GRID2: variants seen among roughly 807,000 people sequenced by gnomAD.
GRID2 encodes the protein glutamate receptor ionotropic, delta-2.
Under a neutral mutation model 114.8 loss-of-function variants are expected in GRID2, and 33 were observed. That is an observed-to-expected ratio of 0.29 (90% CI 0.22 to 0.38). The LOEUF (loss-of-function observed/expected upper bound fraction) is 0.38, where lower values mean the gene tolerates loss of function less well. Among genes scored for constraint, GRID2 ranks in the 10% least tolerant of loss-of-function variants. The pLI is 1.00. For missense variants in GRID2, 1,184 were observed against 1,257.7 expected (o/e 0.94, Z 0.89); for synonymous variants, 505 against 449.9 (o/e 1.12, Z -1.55).
chr4:93,612,096 G>T (rs575764430), intron 13 of GRID2, among the ~76,000 whole-genome samples: 5 of 152,032 alleles, frequency 3.3e-5, no homozygotes, highest in Non-Finnish European at 7.4e-5. Context: ...GATCTTTGTT[G>T]GTTTAAAGTC....
intron 2 of GRID2, among the ~76,000 whole-genome samples, chr4:92,823,896 C>T (rs1741475373): frequency 6.6e-6 from 1 of 152,164 alleles, no homozygotes. Flanking sequence ...CTCCAGAATA[C>T]TCTGAATCCC....
intron 8 of GRID2, among the ~76,000 whole-genome samples, chr4:93,279,515 G>T (rs1201805673): frequency 2.0e-5 from 3 of 151,712 alleles, no homozygotes; most frequent in African/African-American, 4.8e-5. Context: ...AACATACTGA[G>T]ATCTAGAAGT....
At chr4:93,392,646 G>C (rs1003555697) in intron 8 of GRID2, among the ~76,000 whole-genome samples, 1 of 152,024 alleles carries the variant, frequency 6.6e-6, no homozygotes, top group South Asian at 2.1e-4. Flanking sequence ...CAGCATTTTG[G>C]GAGGCTGAGG....
chr4:93,326,698 GC>G (rs764462764), intron 8 of GRID2, among the ~76,000 whole-genome samples: 4 of 151,552 alleles, frequency 2.6e-5, no homozygotes, highest in Non-Finnish European at 5.9e-5. Context: ...TTCTTTATAT[GC>G]TTTTGATCCC....
intron 14 of GRID2, among the ~76,000 whole-genome samples, chr4:93,735,120 C>T (rs191711815): frequency 6.6e-6 from 1 of 152,048 alleles, no homozygotes; most frequent in African/African-American, 2.4e-5. Flanking sequence ...AAACCCAGGG[C>T]TGTTGGCTCA....
chr4:92,656,235 T>C (rs558405330), intron 2 of GRID2, among the ~76,000 whole-genome samples: 1 of 151,920 alleles, frequency 6.6e-6, no homozygotes, highest in African/African-American at 2.4e-5. Flanking sequence ...TAATGGAAAT[T>C]TGTAACAAGG....
At chr4:92,485,078 A>C (rs1722798698) in intron 1 of GRID2, among the ~76,000 whole-genome samples, 1 of 151,174 alleles carries the variant, frequency 6.6e-6, no homozygotes, top group South Asian at 2.1e-4. Context: ...TATAATTTTA[A>C]TATTATCATT....
chr4:92,676,889 T>C (rs1468924354), intron 2 of GRID2, among the ~76,000 whole-genome samples: 1 of 152,148 alleles, frequency 6.6e-6, no homozygotes, highest in Admixed American at 6.5e-5. Context: ...AATCAGCAGA[T>C]GACTGGACAA....
At chr4:93,298,907 A>C (rs1399582568) in intron 8 of GRID2, among the ~76,000 whole-genome samples, 1 of 152,224 alleles carries the variant, frequency 6.6e-6, no homozygotes, top group African/African-American at 2.4e-5. Context: ...AGGGTTTTTC[A>C]AAATGTCAGT....
At chr4:92,323,322 C>T (rs1726417098) in intron 1 of GRID2, among the ~76,000 whole-genome samples, 1 of 152,058 alleles carries the variant, frequency 6.6e-6, no homozygotes, top group Admixed American at 6.6e-5. Flanking sequence ...TAGATAATAA[C>T]TATAAGATAT....
intron 1 of GRID2, among the ~76,000 whole-genome samples, chr4:92,329,717 G>A (rs186365520): frequency 6.6e-6 from 1 of 152,052 alleles, no homozygotes; most frequent in African/African-American, 2.4e-5. Context: ...TCTTCCTGCA[G>A]CTTACCTCTA....
chr4:92,816,159 T>G (rs898524291), intron 2 of GRID2, among the ~76,000 whole-genome samples: 1 of 149,982 alleles, frequency 6.7e-6, no homozygotes, highest in African/African-American at 2.4e-5. Context: ...CTACCAAAAA[T>G]ACAAAATTAG....
intron 2 of GRID2, among the ~76,000 whole-genome samples, chr4:92,672,707 C>T (rs1733135603): frequency 6.6e-6 from 1 of 151,988 alleles, no homozygotes; most frequent in Non-Finnish European, 1.5e-5. Context: ...TTTATTCATA[C>T]ATAATACATG....
chr4:93,086,976 T>A (rs556600307), intron 3 of GRID2, among the ~76,000 whole-genome samples: 2 of 152,052 alleles, frequency 1.3e-5, no homozygotes, highest in Non-Finnish European at 2.9e-5. Flanking sequence ...AGTAACTTTA[T>A]TTAAGCGGGG....
intron 13 of GRID2, among the ~76,000 whole-genome samples, chr4:93,560,020 C>A (rs932920521): frequency 1.3e-5 from 2 of 151,542 alleles, no homozygotes; most frequent in African/African-American, 2.4e-5. Flanking sequence ...TAAGTGGGAG[C>A]TGAGCAATGA....
intron 8 of GRID2, among the ~76,000 whole-genome samples, chr4:93,275,431 C>CATATATATATATATATATATATAT (rs3078736): frequency 2.7e-5 from 4 of 147,958 alleles, no homozygotes; most frequent in African/African-American, 9.9e-5. Context: ...TGGATATATA[C>CATATATATATATATATATATATAT]ATATATATAT....
intron 2 of GRID2, among the ~76,000 whole-genome samples, chr4:92,956,029 T>C (rs1752383689): frequency 6.6e-6 from 1 of 152,112 alleles, no homozygotes; most frequent in African/African-American, 2.4e-5. Context: ...TTTCTGGAGC[T>C]CTTAAAAAAT....
chr4:93,655,683 T>C (rs1471708144), intron 14 of GRID2, among the ~76,000 whole-genome samples: 2 of 152,166 alleles, frequency 1.3e-5, no homozygotes, highest in African/African-American at 4.8e-5. Flanking sequence ...TGAATCTTTA[T>C]AACAAAATAT....
At chr4:92,694,353 A>G (rs763653174) in intron 2 of GRID2, among the ~76,000 whole-genome samples, 2 of 152,148 alleles carry the variant, frequency 1.3e-5, no homozygotes, top group Non-Finnish European at 2.9e-5. Flanking sequence ...CTCCAAAAGG[A>G]AGATGGGAGA....
Sources: allele counts gnomAD v4.1 joint callset (sites outside exome capture counted in the v4.1 genomes callset), GRCh38; gene constraint gnomAD v4.1.1; transcripts MANE v1.5; gene names NCBI Gene and HGNC (gene_info 2026-07-23, HGNC 2026-07-21).